The following GPR158 variants were observed in gnomAD, a reference collection of about 807,000 sequenced individuals.
GPR158 encodes the protein G protein-coupled receptor 158, also known as metabotropic glycine receptor.
Under a neutral mutation model 78.2 loss-of-function variants are expected in GPR158, and 30 were observed. That is an observed-to-expected ratio of 0.38 (90% CI 0.29 to 0.52). The LOEUF (loss-of-function observed/expected upper bound fraction) is 0.52. Ranked by LOEUF, GPR158 falls within the 20% of genes least tolerant of loss-of-function variation. The pLI is 0.83. For synonymous variants in GPR158, 581 were observed against 591.1 expected, an observed-to-expected ratio of 0.98 and a Z score of 0.25; for missense variants, 1,463 against 1,523.5, an observed-to-expected ratio of 0.96 and a Z score of 0.66.
At chr10:25,190,788 G>A (rs796540109) in intron 1 of GPR158, among the ~76,000 whole-genome samples, 2 of 152,312 alleles carry the variant, frequency 1.3e-5, no homozygotes, top group African/African-American at 4.8e-5. Flanking sequence ...GCTTCATGGT[G>A]CAAATTACCT....
At chr10:25,348,996 A>G (rs1285260640) in intron 2 of GPR158, among the ~76,000 whole-genome samples, 1 of 152,008 alleles carries the variant, frequency 6.6e-6, no homozygotes, top group Non-Finnish European at 1.5e-5. Flanking sequence ...AGGTGAGTTT[A>G]TTTCCTATTG....
chr10:25,538,209 T>A (rs997106646), intron 5 of GPR158, among the ~76,000 whole-genome samples: 3 of 140,438 alleles, frequency 2.1e-5, no homozygotes, highest in Non-Finnish European at 3.3e-5. Context: ...AAGCTTCAGA[T>A]TTGCCGTTGT....
At chr10:25,299,812 A>G (rs920808917) in intron 2 of GPR158, among the ~76,000 whole-genome samples, 2 of 152,102 alleles carry the variant, frequency 1.3e-5, no homozygotes, top group East Asian at 1.9e-4. Context: ...GAAGCATTCT[A>G]TATCAGTTTT....
At chr10:25,292,748 T>C (rs189546835) in intron 2 of GPR158, among the ~76,000 whole-genome samples, 39 of 152,224 alleles carry the variant, frequency 2.6e-4, no homozygotes, top group African/African-American at 8.2e-4. Context: ...TCTCCCCACA[T>C]ACACACACAC....
intron 2 of GPR158, among the ~76,000 whole-genome samples, chr10:25,302,577 TATAA>T (rs1854615205): frequency 6.6e-6 from 1 of 152,174 alleles, no homozygotes; most frequent in Admixed American, 6.5e-5. Context: ...ACACTTTTTC[TATAA>T]ATATCCAGGT....
chr10:25,357,831 G>C (rs1855574483), intron 2 of GPR158, among the ~76,000 whole-genome samples: 1 of 152,074 alleles, frequency 6.6e-6, no homozygotes, highest in South Asian at 2.1e-4. Flanking sequence ...TTTGAGAAGA[G>C]GGCCACCATA....
chr10:25,514,571 C>T (rs754087916), intron 5 of GPR158, among the ~76,000 whole-genome samples: 43 of 151,862 alleles, frequency 2.8e-4, no homozygotes, highest in Admixed American at 1.4e-3. Context: ...GTTTGTTGCC[C>T]GAATACCTTC....
At chr10:25,280,383 A>G (rs1434991916) in intron 2 of GPR158, among the ~76,000 whole-genome samples, 1 of 152,212 alleles carries the variant, frequency 6.6e-6, no homozygotes. Flanking sequence ...ATAAAGAGTC[A>G]CTATATAAGC....
chr10:25,355,777 C>G (rs1222225386), intron 2 of GPR158, among the ~76,000 whole-genome samples: 3 of 151,940 alleles, frequency 2.0e-5, no homozygotes, highest in Non-Finnish European at 4.4e-5. Context: ...GCTGTTTATT[C>G]TGAATGGGGT....
chr10:25,228,524 AT>A (rs1853403894), intron 2 of GPR158, among the ~76,000 whole-genome samples: 1 of 152,170 alleles, frequency 6.6e-6, no homozygotes, highest in Admixed American at 6.5e-5. Flanking sequence ...TTCATTATAT[AT>A]TTTAAAGAAA....
chr10:25,420,401 C>T (rs796699092), intron 4 of GPR158, among the ~76,000 whole-genome samples: 7 of 152,270 alleles, frequency 4.6e-5, no homozygotes, highest in African/African-American at 1.7e-4. Flanking sequence ...AATCCTCCTG[C>T]CCCAGCCTCC....
At chr10:25,251,538 G>C (rs1001694282) in intron 2 of GPR158, among the ~76,000 whole-genome samples, 1 of 151,342 alleles carries the variant, frequency 6.6e-6, no homozygotes, top group African/African-American at 2.4e-5. Context: ...GCATTTGCTT[G>C]TCTGTAAAGT....
In GPR158 at chr10:25,412,240, G is replaced by A; in HGVS notation, c.1112-10G>A. 1 of 1,603,442 alleles carries A rather than the reference G, an allele frequency of 6.2e-7. No homozygotes were observed. Among genetic ancestry groups the A allele is most frequent in the Non-Finnish European group, 8.5e-7 (1 of 1,170,412 alleles). Reference sequence around the variant, plus strand: ...GCAAATGACACTGTGGTTTTATTTGGAACTTTCAGGAAGGGGTCCGGATCA... The same window carrying A: ...GCAAATGACACTGTGGTTTTATTTGAAACTTTCAGGAAGGGGTCCGGATCA... On this transcript the variant is annotated splice_polypyrimidine_tract_variant and intron_variant, in intron 3 of 10. Transcript: ENST00000376351.
intron 2 of GPR158, among the ~76,000 whole-genome samples, chr10:25,375,593 G>GT (rs748329503): frequency 3.3e-5 from 5 of 151,106 alleles, no homozygotes; most frequent in Non-Finnish European, 5.9e-5. Flanking sequence ...CTTTTGTTTT[G>GT]TTTTTTGTTT....
intron 5 of GPR158, among the ~76,000 whole-genome samples, chr10:25,541,327 C>A (rs1836581128): frequency 6.6e-6 from 1 of 152,038 alleles, no homozygotes; most frequent in East Asian, 1.9e-4. Flanking sequence ...AGCACTGTAC[C>A]AATTCTGTGT....
At chr10:25,397,908 G>A (rs1834384252) in intron 3 of GPR158, among the ~76,000 whole-genome samples, 2 of 152,166 alleles carry the variant, frequency 1.3e-5, no homozygotes, top group African/African-American at 4.8e-5. Context: ...TAGCAGACTG[G>A]AAGGAGAGAG....
At chr10:25,317,352 G>T (rs1854869444) in intron 2 of GPR158, among the ~76,000 whole-genome samples, 1 of 151,866 alleles carries the variant, frequency 6.6e-6, no homozygotes, top group Non-Finnish European at 1.5e-5. Flanking sequence ...CTGGCCTGTG[G>T]TTTTTTAAAT....
chr10:25,483,232 G>A (rs557718034), intron 5 of GPR158, among the ~76,000 whole-genome samples: 3 of 151,894 alleles, frequency 2.0e-5, no homozygotes, highest in Non-Finnish European at 4.4e-5. Flanking sequence ...CCTAGAGACC[G>A]AAAAGACCTT....
intron 2 of GPR158, among the ~76,000 whole-genome samples, chr10:25,364,913 G>C (rs546474802): frequency 1.3e-5 from 2 of 151,618 alleles, no homozygotes; most frequent in African/African-American, 4.8e-5. Context: ...GAGTGTGTCC[G>C]CACACTTTGA....
Sources: gnomAD v4.1 joint callset for allele counts (sites outside exome capture counted in the v4.1 genomes callset) on GRCh38, gnomAD v4.1.1 for gene constraint, MANE v1.5 for transcripts, NCBI Gene and HGNC (gene_info 2026-07-23, HGNC 2026-07-21) for gene names.